The following SEC24A variants were observed in gnomAD, a reference collection of about 807,000 sequenced individuals.
SEC24A encodes the protein protein transport protein Sec24A.
In SEC24A, 93 loss-of-function variants were observed where a neutral mutation model predicts 129.4. The ratio of observed to expected loss-of-function variants is 0.72; its 90% confidence interval spans 0.61 to 0.85. The LOEUF (loss-of-function observed/expected upper bound fraction) is 0.85. Ranked by LOEUF, SEC24A falls within the 40% of genes least tolerant of loss-of-function variation. The probability of loss-of-function intolerance (pLI) is 0.00; values close to 1 mark genes in which losing one functional copy is unlikely to be tolerated. For missense variants in SEC24A, 1,264 were observed against 1,307.4 expected (o/e 0.97, Z 0.51); for synonymous variants, 460 against 467.3 (o/e 0.98, Z 0.20).
At chr5:134,714,257 C>T (rs938384151) in intron 18 of SEC24A, among the ~76,000 whole-genome samples, 1 of 152,114 alleles carries the variant, frequency 6.6e-6, no homozygotes, top group African/African-American at 2.4e-5. Context: ...CATCACCCAG[C>T]ACTCATGGGC....
At chr5:134,681,442 TTGTGTG>T (rs34487329) in intron 8 of SEC24A, among the ~76,000 whole-genome samples, 3,625 of 143,746 alleles carry the variant, frequency 0.025, 142 homozygotes, top group African/African-American at 0.083. Flanking sequence ...GTTTTATTGT[TTGTGTG>T]TGTGTGTGTG....
intron 19 of SEC24A, among the ~76,000 whole-genome samples, chr5:134,716,394 G>T (rs375011457): frequency 6.6e-6 from 1 of 151,036 alleles, no homozygotes; most frequent in East Asian, 1.9e-4. Context: ...GCTTGAACCC[G>T]GGAGGCGGAG....
chr5:134,712,141 T>C (rs1752345897), intron 18 of SEC24A, among the ~76,000 whole-genome samples: 1 of 152,176 alleles, frequency 6.6e-6, no homozygotes, highest in Non-Finnish European at 1.5e-5. Context: ...CTTCATCTTG[T>C]ATTTTTCCTG....
chr5:134,715,257 G>T, intron 19 of SEC24A, 96 bp downstream of exon 19: 2 of 1,064,564 alleles, frequency 1.9e-6, no homozygotes, highest in Non-Finnish European at 2.7e-6. Context: ...TATTATTTAA[G>T]GCTTTAGCTT....
chr5:134,659,221 G>A (rs1197397527), intron 1 of SEC24A, among the ~76,000 whole-genome samples: 8 of 151,630 alleles, frequency 5.3e-5, no homozygotes, highest in African/African-American at 1.7e-4. Context: ...ACAGGCACCC[G>A]CCACCACGCT....
At chr5:134,707,793 T>G (rs899899630) in intron 17 of SEC24A, among the ~76,000 whole-genome samples, 2 of 152,002 alleles carry the variant, frequency 1.3e-5, no homozygotes, top group African/African-American at 4.8e-5. Context: ...ATGGATGGAG[T>G]TTAGTTATTT....
At chr5:134,677,261 G>C (rs1751097642) in intron 7 of SEC24A, among the ~76,000 whole-genome samples, 1 of 152,032 alleles carries the variant, frequency 6.6e-6, no homozygotes, top group African/African-American at 2.4e-5. Context: ...AGTGAGACAT[G>C]ATTGTACTAC....
intron 1 of SEC24A, among the ~76,000 whole-genome samples, chr5:134,658,606 G>A (rs933228369): frequency 1.6e-4 from 25 of 151,956 alleles, no homozygotes; most frequent in African/African-American, 5.8e-4. Context: ...ATGGAGTCTC[G>A]CTGTGTTGCC....
At chr5:134,719,732 T>G (rs1258459260) in intron 20 of SEC24A, among the ~76,000 whole-genome samples, 5 of 151,754 alleles carry the variant, frequency 3.3e-5, no homozygotes, top group African/African-American at 9.7e-5. Context: ...ACACCTGTAA[T>G]CCCAGCACTT....
intron 22 of SEC24A, 36 bp downstream of exon 22, chr5:134,723,706 A>G (rs747937971): frequency 1.5e-6 from 2 of 1,322,686 alleles, no homozygotes; most frequent in South Asian, 1.2e-5. Flanking sequence ...TAGTAAAACA[A>G]TTTGTTTGGC....
intron 6 of SEC24A, among the ~76,000 whole-genome samples, chr5:134,675,474 T>C (rs1341682254): frequency 6.6e-6 from 1 of 152,202 alleles, no homozygotes; most frequent in African/African-American, 2.4e-5. Flanking sequence ...ATTATGGTGG[T>C]TACTTTCTTT....
At chr5:134,692,942 G>C in intron 12 of SEC24A, 1 of 1,052,342 alleles carries the variant, frequency 9.5e-7, no homozygotes, top group Non-Finnish European at 1.4e-6. Flanking sequence ...TGGGAAGTTG[G>C]GAGGGTTGCT....
At chr5:134,720,397 C>G (rs1428125811) in intron 20 of SEC24A, among the ~76,000 whole-genome samples, 1 of 152,158 alleles carries the variant, frequency 6.6e-6, no homozygotes, top group Non-Finnish European at 1.5e-5. Flanking sequence ...CTATGATGTT[C>G]ATACAGAGAA....
chr5:134,727,697 C>T lies in SEC24A; in HGVS notation c.*2603C>T, dbSNP rs1012975267. 2.6e-5 allele frequency: 4 copies of T among 152,030 alleles called. No homozygotes were observed. The highest frequency in any genetic ancestry group is 7.3e-5 in the African/African-American group (3 of 41,234). The allele number at this position is 152,030 out of a possible 1,614,324, so 9.4% of individuals were successfully genotyped here. ...AATATTAAATTCTTGTTCTTAAATT[C>T]AAATATGTATTGATCTTCAATGTGC... On this transcript the variant is annotated 3_prime_UTR_variant, in exon 23 of 23. Coordinates refer to ENST00000398844, the MANE Select transcript of SEC24A (RefSeq NM_021982.3).
At chr5:134,691,630 G>GCT in intron 11 of SEC24A, among the ~76,000 whole-genome samples, 1 of 151,188 alleles carries the variant, frequency 6.6e-6, no homozygotes, top group South Asian at 2.1e-4. Context: ...AGCCTCCCGA[G>GCT]TAGCTGGGAC....
chr5:134,667,538 C>A (rs1046503445), intron 3 of SEC24A, among the ~76,000 whole-genome samples: 1 of 151,490 alleles, frequency 6.6e-6, no homozygotes, highest in Non-Finnish European at 1.5e-5. Context: ...GTAGTAGTCA[C>A]AGCTACTCTG....
intron 20 of SEC24A, among the ~76,000 whole-genome samples, chr5:134,718,433 C>T (rs1168336930): frequency 6.6e-6 from 1 of 151,936 alleles, no homozygotes; most frequent in East Asian, 1.9e-4. Context: ...GGAATGTACT[C>T]CTACTTAATT....
rs1418481800 is a variant in SEC24A, at chr5:134,674,543, A to G, written c.818-72A>G. ...TAGTGAGACCCTTTCTCCAAAAAAA[A>G]TGTTTTTTTAAAATAAATAAATCAA... On this transcript the variant is annotated intron_variant, in intron 4 of 22. Coordinates refer to ENST00000398844, the MANE Select transcript of SEC24A (RefSeq NM_021982.3). 4 of 1,416,400 alleles carry G rather than the reference A, an allele frequency of 2.8e-6. No individual in the cohort carries two copies. The East Asian group carries it at 7.4e-5, about 26-fold the overall frequency. The allele number at this position is 1,416,400 out of a possible 1,614,324, so 87.7% of individuals were successfully genotyped here.
Position 134,679,723 on chromosome 5 carries a change from A to G in SEC24A, c.1376A>G (p.Asn459Ser), listed in dbSNP as rs370989734. ...AAGTGTAACTTATGTTATCGAGTCA[A>G]TGATGGTATGGGATGCTTTTTTGAA... ...RWKCNLCYRV[N>S]DVPEEFLYNP... Residue 459 changes from asparagine (N) to serine (S), a missense_variant, in exon 8 of 23, where the codon AAT becomes AGT. Transcript: ENST00000398844. 178 of 1,584,738 alleles carry G rather than the reference A, an allele frequency of 1.1e-4. No homozygotes were observed. The highest frequency in any genetic ancestry group is 1.3e-4 in the Non-Finnish European group (154 of 1,160,986).
Sources: gnomAD v4.1 joint callset for allele counts (sites outside exome capture counted in the v4.1 genomes callset) on GRCh38, gnomAD v4.1.1 for gene constraint, MANE v1.5 for transcripts, NCBI Gene and HGNC (gene_info 2026-07-23, HGNC 2026-07-21) for gene names.